CATSPERE: variants seen among roughly 807,000 people sequenced by gnomAD.
CATSPERE encodes cation channel sperm-associated auxiliary subunit epsilon.
A neutral mutation model predicts 114.1 loss-of-function variants in CATSPERE; 93 were observed. That is an observed-to-expected ratio of 0.81 (90% CI 0.69 to 0.97). The LOEUF is 0.97. Ranked by LOEUF, CATSPERE falls within the 50% of genes least tolerant of loss-of-function variation. The pLI is 0.00. For missense variants in CATSPERE, 1,058 were observed against 1,131.6 expected (o/e 0.93, Z 0.93); for synonymous variants, 341 against 384.1 (o/e 0.89, Z 1.31).
Position 244,640,126 on chromosome 1 carries a change from A to G in CATSPERE, c.*45A>G. ...ATTACAGATATATGCATATAGAGAA[A>G]CAGTGTATTACATAGTGATATTGAG... On this transcript the variant is annotated 3_prime_UTR_variant, in exon 22 of 22. Coordinates refer to ENST00000366534, the MANE Select transcript of CATSPERE (RefSeq NM_001130957.2). 1 of 1,402,840 alleles carries G rather than the reference A, an allele frequency of 7.1e-7. No individual in the cohort carries two copies. The highest frequency in any genetic ancestry group is 9.8e-7 in the Non-Finnish European group (1 of 1,019,522). 86.9% of individuals were successfully genotyped at this position (1,402,840 alleles called of 1,614,324 possible). A position where few individuals can be genotyped will look rare whatever the true frequency, so the allele number is the denominator to read the frequency against.
chr1:244,515,175 C>A, intron 7 of CATSPERE: 1 of 173,892 alleles, frequency 5.8e-6, no homozygotes, highest in Non-Finnish European at 1.1e-5. Flanking sequence ...ACTAGTCTCC[C>A]CCTTCTACTA....
At chr1:244,622,347 G>A (rs1472958293) in intron 20 of CATSPERE, among the ~76,000 whole-genome samples, 2 of 151,002 alleles carry the variant, frequency 1.3e-5, no homozygotes, top group Non-Finnish European at 2.9e-5. Flanking sequence ...TATGTCTTTA[G>A]CCAGCATTTC....
rs1558609496 is a variant in CATSPERE, at chr1:244,621,107, TA to T, written c.2648+3422del. On this transcript the variant is annotated intron_variant, in intron 20 of 21. Coordinates refer to ENST00000366534, the MANE Select transcript of CATSPERE (RefSeq NM_001130957.2). ...TAAATATATATAAAATATATATAAA[TA>T]TATATATAATATATATATAAATATA... Among the ~76,000 whole-genome samples the T allele has an allele frequency of 8.0e-3, 438 of 54,946 alleles. 3 individuals carry two copies. Among genetic ancestry groups the T allele is most frequent in the East Asian group, 0.016 (37 of 2,358 alleles). The allele number at this position is 54,946 out of a possible 152,430, so 36.0% of individuals were successfully genotyped here.
At chr1:244,548,223 C>G (rs1172573573) in intron 8 of CATSPERE, among the ~76,000 whole-genome samples, 2 of 152,238 alleles carry the variant, frequency 1.3e-5, no homozygotes, top group Non-Finnish European at 2.9e-5. Context: ...CAGCCTGTTT[C>G]TCCAGCCACC....
chr1:244,499,122 T>C, intron 7 of CATSPERE, 43 bp downstream of exon 7: 5 of 1,457,624 alleles, frequency 3.4e-6, no homozygotes, highest in Non-Finnish European at 4.8e-6. Flanking sequence ...AACAGAATGC[T>C]GCCTTTCTTT....
intron 2 of CATSPERE, among the ~76,000 whole-genome samples, chr1:244,474,737 C>CTTTT (rs751024910): frequency 4.7e-5 from 6 of 126,444 alleles, no homozygotes; most frequent in African/African-American, 6.0e-5. Flanking sequence ...TTTTCTTCTT[C>CTTTT]TTTTTTTTTT....
intron 2 of CATSPERE, among the ~76,000 whole-genome samples, chr1:244,464,998 C>T (rs1408036926): frequency 6.7e-6 from 1 of 148,264 alleles, no homozygotes; most frequent in Non-Finnish European, 1.5e-5. Flanking sequence ...AGCCAAATCT[C>T]TCCCCTCCTT....
intron 14 of CATSPERE, among the ~76,000 whole-genome samples, chr1:244,590,583 C>A (rs537187719): frequency 3.8e-4 from 58 of 152,328 alleles, no homozygotes; most frequent in African/African-American, 1.3e-3. Context: ...AGTTAGCAGT[C>A]ATTTCCCATT....
intron 2 of CATSPERE, among the ~76,000 whole-genome samples, chr1:244,471,236 C>T (rs952380171): frequency 1.3e-5 from 2 of 152,074 alleles, no homozygotes; most frequent in Non-Finnish European, 2.9e-5. Flanking sequence ...ATAATCATTC[C>T]TTAATGTCAT....
chr1:244,525,969 C>T (rs1187523561), intron 8 of CATSPERE, among the ~76,000 whole-genome samples: 1 of 152,216 alleles, frequency 6.6e-6, no homozygotes, highest in Non-Finnish European at 1.5e-5. Context: ...CTCCACCATC[C>T]TCAGAGTGTT....
intron 17 of CATSPERE, 72 bp downstream of exon 17, chr1:244,593,650 T>C (rs1055642197): frequency 3.3e-6 from 4 of 1,229,360 alleles, no homozygotes; most frequent in Non-Finnish European, 4.7e-6. Context: ...ACAAGACTAA[T>C]TGATCATGCA....
intron 20 of CATSPERE, among the ~76,000 whole-genome samples, chr1:244,618,913 T>C (rs1671739525): frequency 6.6e-6 from 1 of 152,160 alleles, no homozygotes; most frequent in Non-Finnish European, 1.5e-5. Flanking sequence ...AGTCTAATGA[T>C]GAGAGATTCT....
chr1:244,519,377 C>G (rs1677155406), intron 8 of CATSPERE, among the ~76,000 whole-genome samples: 1 of 152,038 alleles, frequency 6.6e-6, no homozygotes, highest in African/African-American at 2.4e-5. Context: ...GGGGAGAATT[C>G]CAAACATAGG....
In CATSPERE at chr1:244,580,114, G is replaced by A. The variant is rs115192655; in HGVS notation, c.1951-1682G>A. On this transcript the variant is annotated intron_variant, in intron 11 of 21. Coordinates refer to ENST00000366534, the MANE Select transcript of CATSPERE (RefSeq NM_001130957.2). ...TGCAGTGGCACAATGTTGGTTCACC[G>A]CAACCTCTGCTCCCTGGGTTCAAGC... 9.3e-3 allele frequency among the ~76,000 whole-genome samples: 1,411 copies of A among 151,930 alleles called. 22 individuals are homozygous for A. Among genetic ancestry groups the A allele is most frequent in the African/African-American group, 0.033 (1,351 of 41,434 alleles).
At chr1:244,473,040 T>C (rs992672392) in intron 2 of CATSPERE, among the ~76,000 whole-genome samples, 1 of 152,264 alleles carries the variant, frequency 6.6e-6, no homozygotes, top group Non-Finnish European at 1.5e-5. Flanking sequence ...GATATCCCAG[T>C]TGCTTCCAGT....
chr1:244,509,114 G>T (rs1266159683), intron 7 of CATSPERE, among the ~76,000 whole-genome samples: 1 of 151,750 alleles, frequency 6.6e-6, no homozygotes, highest in East Asian at 1.9e-4. Context: ...GAATAGGAGT[G>T]GTAAAAGTGG....
Position 244,555,267 on chromosome 1 carries a change from C to A in CATSPERE, c.1029+2453C>A, listed in dbSNP as rs369342425. ...GGGTGTGGTGGCACACGCCTGTAGT[C>A]CCAGCTACTTGGGAGGCTGAGGCAG... On this transcript the variant is annotated intron_variant, in intron 9 of 21. Transcript: ENST00000366534. Among the ~76,000 whole-genome samples the A allele has an allele frequency of 2.2e-3, 339 of 152,082 alleles. 1 individual carries two copies. The highest frequency in any genetic ancestry group is 7.5e-3 in the African/African-American group (313 of 41,488).
upstream of CATSPERE, chr1:244,454,227 A>G (rs1665911502): frequency 1.3e-5 from 2 of 152,194 alleles, no homozygotes; most frequent in South Asian, 2.1e-4. Context: ...CGTCTTGCCC[A>G]GAGACCCCAT....
At chr1:244,624,190 C>G (rs1211695200) in intron 20 of CATSPERE, among the ~76,000 whole-genome samples, 3 of 141,462 alleles carry the variant, frequency 2.1e-5, no homozygotes, top group Non-Finnish European at 4.5e-5. Context: ...CCAGGATGGT[C>G]TCAATCTCCT....
Sources: gnomAD v4.1 joint callset for allele counts (sites outside exome capture counted in the v4.1 genomes callset) on GRCh38, gnomAD v4.1.1 for gene constraint, MANE v1.5 for transcripts, NCBI Gene and HGNC (gene_info 2026-07-23, HGNC 2026-07-21) for gene names.